ITSN2: variants seen among roughly 807,000 people sequenced by gnomAD.
The protein encoded by ITSN2 is intersectin 2, also known as intersectin-2.
In ITSN2, 156 loss-of-function variants were observed where a neutral mutation model predicts 243.7. The observed-to-expected ratio is 0.64, with a 90% confidence interval of 0.56 to 0.73. The LOEUF (loss-of-function observed/expected upper bound fraction) is 0.73, where lower values mean the gene tolerates loss of function less well. Among genes scored for constraint, ITSN2 ranks in the 30% least tolerant of loss-of-function variants. ITSN2 has a pLI of 0.00. For missense variants in ITSN2, 1,801 were observed against 1,996.1 expected (o/e 0.90, Z 1.86); for synonymous variants, 703 against 699.9 (o/e 1.00, Z -0.07).
At chr2:24,354,559 T>C in intron 1 of ITSN2, among the ~76,000 whole-genome samples, 1 of 152,154 alleles carries the variant, frequency 6.6e-6, no homozygotes, top group Non-Finnish European at 1.5e-5. Context: ...ATATTACATA[T>C]AACAACACTA....
intron 3 of ITSN2, 79 bp from the exon 4 acceptor site, chr2:24,313,602 T>C: frequency 1.1e-6 from 1 of 902,234 alleles, no homozygotes; most frequent in Non-Finnish European, 1.7e-6. Context: ...ATAATGGGTA[T>C]ATGTTAATGA....
rs776638849 is a variant in ITSN2, at chr2:24,298,827, AG to A, written c.1345-14del. On this transcript the variant is annotated splice_polypyrimidine_tract_variant and intron_variant, in intron 12 of 39. Transcript: ENST00000355123. ...CCTGTTTTGCTGCCTGAAAAAAAAA[AG>A]GAATTATACTTAATTTTTAAATCAA... The A allele has an allele frequency of 7.6e-6, 12 of 1,576,458 alleles. No homozygotes were observed. Among genetic ancestry groups the A allele is most frequent in the Middle Eastern group, 1.7e-4 (1 of 5,872 alleles).
Position 24,203,355 on chromosome 2 carries a change from C to A in ITSN2, c.*271G>T. The A allele has an allele frequency of 3.2e-6, 1 of 316,366 alleles. No homozygotes were observed. The highest frequency in any genetic ancestry group is 5.1e-5 in the East Asian group (1 of 19,424). 19.6% of individuals were successfully genotyped at this position (316,366 alleles called of 1,614,324 possible). A position where few individuals can be genotyped will look rare whatever the true frequency, so the allele number is the denominator to read the frequency against. On this transcript the variant is annotated 3_prime_UTR_variant, in exon 40 of 40. Transcript: ENST00000355123. Reference sequence around the variant, plus strand: ...TTTCCAAGTAATACTTTTTATAGCCCTGAAAATGGAAACCTTGGCATCTAA... The same window carrying A: ...TTTCCAAGTAATACTTTTTATAGCCATGAAAATGGAAACCTTGGCATCTAA...
At chr2:24,297,988 CTTT>C (rs760279389) in intron 13 of ITSN2, among the ~76,000 whole-genome samples, 3 of 143,170 alleles carry the variant, frequency 2.1e-5, no homozygotes, top group Admixed American at 7.0e-5. Context: ...TTACATTTTT[CTTT>C]TTTTTTTTTT....
intron 29 of ITSN2, among the ~76,000 whole-genome samples, chr2:24,231,846 T>C (rs1671632066): frequency 2.0e-5 from 3 of 152,188 alleles, no homozygotes; most frequent in Admixed American, 1.3e-4. Context: ...CTATTCTCTG[T>C]GTGCCCACTT....
intron 29 of ITSN2, among the ~76,000 whole-genome samples, chr2:24,237,816 G>A (rs1037348187): frequency 2.0e-5 from 3 of 152,110 alleles, no homozygotes; most frequent in Admixed American, 6.6e-5. Flanking sequence ...CCACGATCAG[G>A]CCGAACTTCA....
rs775507437 is a variant in ITSN2, at chr2:24,299,919, T to G, written c.1334A>C (p.Glu445Ala). Residue 445 changes from glutamate to alanine, a missense_variant, in exon 12 of 40, where the codon GAA (glutamate) becomes GCA (alanine). Physicochemically the swap from Glu to Ala is moderately radical, Grantham distance 107 (BLOSUM62 -1). This residue lies in a region of ITSN2 where 787 missense variants were observed against 803.9 expected (regional missense o/e 0.98). Transcript: ENST00000355123. ...AAACTTAAAAATAACCTCTCGTCTT[T>G]CTATGTCTTTTCTCCTTTCTTCCTC... is the stretch of plus-strand genomic sequence containing the variant. ...QREEERRKDI[E>A]RREAAKQELE... 1 of 1,604,734 alleles carries G rather than the reference T, an allele frequency of 6.2e-7. No homozygotes were observed. Among genetic ancestry groups the G allele is most frequent in the Admixed American group, 1.7e-5 (1 of 58,010 alleles).
chr2:24,336,683 A>G (rs1686414312), intron 1 of ITSN2, among the ~76,000 whole-genome samples: 1 of 152,200 alleles, frequency 6.6e-6, no homozygotes, highest in African/African-American at 2.4e-5. Flanking sequence ...CCTCCCAGGT[A>G]GTTAGTCACT....
At chr2:24,341,199 GAAC>G (rs1390263444) in intron 1 of ITSN2, among the ~76,000 whole-genome samples, 2 of 152,104 alleles carry the variant, frequency 1.3e-5, no homozygotes, top group African/African-American at 4.8e-5. Context: ...TTTGAGGGAT[GAAC>G]AACAAAATGT....
chr2:24,224,891 A>G (rs1414001379), intron 29 of ITSN2, among the ~76,000 whole-genome samples: 5 of 152,136 alleles, frequency 3.3e-5, no homozygotes, highest in Non-Finnish European at 1.5e-5. Context: ...CGGCCTCTCG[A>G]AGTGCTGGGA....
In ITSN2 at chr2:24,315,078, T is replaced by G. The variant is rs1022786326; in HGVS notation, c.124+54A>C. 6 of 823,310 alleles carry G rather than the reference T, an allele frequency of 7.3e-6. No individual in the cohort carries two copies. The African/African-American group carries it at 1.0e-4, about 14-fold the overall frequency. The allele number at this position is 823,310 out of a possible 1,614,324, so 51.0% of individuals were successfully genotyped here. ...TGGCAGTCAAATTAAAACTAATTCT[T>G]AGATATCACATAAGGACCATAATTC... On this transcript the variant is annotated intron_variant, in intron 3 of 39. Coordinates refer to ENST00000355123, the MANE Select transcript of ITSN2 (RefSeq NM_006277.3).
intron 17 of ITSN2, among the ~76,000 whole-genome samples, chr2:24,277,838 C>T (rs899360866): frequency 1.3e-5 from 2 of 152,138 alleles, no homozygotes; most frequent in African/African-American, 4.8e-5. Flanking sequence ...AAAATAAATA[C>T]ATAAATAAAT....
At chr2:24,237,688 G>A (rs531946365) in intron 29 of ITSN2, among the ~76,000 whole-genome samples, 13 of 152,070 alleles carry the variant, frequency 8.5e-5, no homozygotes, top group East Asian at 1.9e-4. Flanking sequence ...CTTTTCCACC[G>A]ACACTCATAT....
intron 1 of ITSN2, chr2:24,334,631 T>C: frequency 8.0e-7 from 1 of 1,244,420 alleles, no homozygotes; most frequent in South Asian, 1.2e-5. Flanking sequence ...GAAAGTGGTG[T>C]TATACAGGAA....
chr2:24,246,177 G>A lies in ITSN2; in HGVS notation c.3529C>T (p.Pro1177Ser). The change falls in exon 29 of 40, where the codon CCT becomes TCT. Residue 1177 changes from proline (P) to serine (S), a missense_variant. By Grantham distance (74) the Pro-to-Ser change is moderately conservative. This residue lies in a region of ITSN2 where 928 missense variants were observed against 1,065.4 expected (regional missense o/e 0.87). Transcript: ENST00000355123. ...GEINGVTGLF[P>S]SNYVKMTTDS... is the part of the protein sequence containing the mutation. ...GTCGTCATCTTAACGTAGTTTGAAG[G>A]AAAGAGACCAGTCACCCCGTTGATC... The A allele has an allele frequency of 1.2e-6, 2 of 1,613,482 alleles. No individual in the cohort carries two copies. The highest frequency in any genetic ancestry group is 1.7e-6 in the Non-Finnish European group (2 of 1,179,602).
At chr2:24,345,955 G>A (rs928345629) in intron 1 of ITSN2, among the ~76,000 whole-genome samples, 1 of 152,076 alleles carries the variant, frequency 6.6e-6, no homozygotes, top group South Asian at 2.1e-4. Context: ...ATGATTTAAG[G>A]GTTTTATGTA....
At position 24,344,914 on chromosome 2, in the gene ITSN2, T is replaced by A. The variant is rs1478358931; in HGVS notation, c.-34+15390A>T. Among the ~76,000 whole-genome samples the A allele has an allele frequency of 5.3e-5, 8 of 152,326 alleles. No homozygotes were observed. The East Asian group carries it at 7.7e-4, about 15-fold the overall frequency. The stretch of plus-strand genomic sequence containing the variant: ...TTGCAGTGAGCCCAGATTGCGCCAG[T>A]GCATTCCAGCCTGGATAATAGAGTG... On this transcript the variant is annotated intron_variant, in intron 1 of 39. Coordinates refer to ENST00000355123, the MANE Select transcript of ITSN2 (RefSeq NM_006277.3).
At chr2:24,264,068 C>T (rs1407176172) in intron 20 of ITSN2, among the ~76,000 whole-genome samples, 2 of 152,004 alleles carry the variant, frequency 1.3e-5, no homozygotes, top group African/African-American at 4.8e-5. Context: ...GAATCATTAC[C>T]ACAATAACTT....
chr2:24,274,653 T>G (rs888469779), intron 18 of ITSN2, among the ~76,000 whole-genome samples: 12 of 152,292 alleles, frequency 7.9e-5, no homozygotes, highest in Admixed American at 2.0e-4. Flanking sequence ...ATTAGAATTA[T>G]GAGGAGTAAT....
Sources: gnomAD v4.1 joint callset for allele counts (sites outside exome capture counted in the v4.1 genomes callset) on GRCh38, gnomAD v4.1.1 for gene constraint, gnomAD v4.1.1 regional missense constraint, MANE v1.5 for transcripts, NCBI Gene and HGNC (gene_info 2026-07-23, HGNC 2026-07-21) for gene names.